The following SFXN4 variants were observed in gnomAD, a reference collection of about 807,000 sequenced individuals.
SFXN4 encodes the protein sideroflexin 4.
In SFXN4, 48 loss-of-function variants were observed where a neutral mutation model predicts 54.6. That is an observed-to-expected ratio of 0.88 (90% CI 0.70 to 1.12). The LOEUF (loss-of-function observed/expected upper bound fraction) is 1.12. Ranked by LOEUF, SFXN4 falls within the 50% of genes most tolerant of loss-of-function variation. The pLI is 0.00. For synonymous variants in SFXN4, 130 were observed against 145.5 expected (o/e 0.89, Z 0.77); for missense variants, 383 against 409.2 (o/e 0.94, Z 0.55).
At chr10:119,152,255 C>G (rs1221158915) in intron 11 of SFXN4, among the ~76,000 whole-genome samples, 1 of 149,028 alleles carries the variant, frequency 6.7e-6, no homozygotes, top group South Asian at 2.2e-4. Flanking sequence ...CAGGGGAAAG[C>G]GCAAATGCAG....
intron 2 of SFXN4, 64 bp from the exon 3 acceptor site, chr10:119,162,478 T>C: frequency 2.9e-6 from 4 of 1,389,240 alleles, no homozygotes; most frequent in East Asian, 4.6e-5. Flanking sequence ...TCCCCAGAGG[T>C]AGGAATCACC....
rs1279710330 is a variant in SFXN4 at position 119,155,152 on chromosome 10, G to A, written c.642C>T (p.Tyr214=). The part of the protein sequence containing the change: ...FLVQASGMNV[Y]MSRSLESIKG... ...TAATGGATTCAAGACTTCGGGACAT[G>A]TAGACATTCATTCCACTGGCTTGCA... is the stretch of plus-strand genomic sequence containing the variant. Residue 214 remains tyrosine (Y), a synonymous_variant, in exon 11 of 14, where the codon TAC becomes TAT. Transcript: ENST00000355697. The A allele has an allele frequency of 6.2e-7, 1 of 1,614,012 alleles. No homozygotes were observed. The highest frequency in any genetic ancestry group is 1.1e-5 in the South Asian group (1 of 91,084).
chr10:119,164,283 T>TTTC, intron 1 of SFXN4, 87 bp from the exon 2 acceptor site: 1 of 811,610 alleles, frequency 1.2e-6, no homozygotes. Flanking sequence ...TTTTTTTTTT[T>TTTC]CTGAGAACCT....
chr10:119,162,811 T>A lies in SFXN4; in HGVS notation c.178-397A>T, dbSNP rs538808665. On this transcript the variant is annotated intron_variant, in intron 2 of 13. Coordinates refer to ENST00000355697, the MANE Select transcript of SFXN4 (RefSeq NM_213649.2). ...CTTTCTTTCTTTTCTTATTGTTTTT[T>A]AAGAGACAGGGTCTCACTCTGTTGC... Among the ~76,000 whole-genome samples the A allele has an allele frequency of 1.8e-4, 27 of 152,316 alleles. No homozygotes were observed. In the East Asian group the frequency reaches 4.4e-3, roughly 25 times the overall value.
In SFXN4 at chr10:119,147,824, A is replaced by G. The variant is rs1478378172; in HGVS notation, c.769T>C (p.Phe257Leu). The change falls in exon 12 of 14, where the codon TTT becomes CTT. Residue 257 changes from phenylalanine (F) to leucine (L), a missense_variant. Coordinates refer to ENST00000355697, the MANE Select transcript of SFXN4 (RefSeq NM_213649.2). ...RETLASRIVL[F>L]GTSALIPEVF... ...TCAGGAATCAGAGCTGAGGTCCCAA[A>G]CAGCACTATTCTGGATGCTAGCGTT... The G allele has an allele frequency of 6.2e-7, 1 of 1,614,180 alleles. No individual in the cohort carries two copies. Among genetic ancestry groups the G allele is most frequent in the Non-Finnish European group, 8.5e-7 (1 of 1,180,006 alleles).
intron 13 of SFXN4, among the ~76,000 whole-genome samples, chr10:119,141,577 C>G (rs1252472452): frequency 7.0e-6 from 1 of 143,420 alleles, no homozygotes. Context: ...GTGGCACCAT[C>G]TCAGGTCACT....
chr10:119,150,188 C>T (rs1378332373), intron 11 of SFXN4, among the ~76,000 whole-genome samples: 2 of 151,956 alleles, frequency 1.3e-5, no homozygotes, highest in Non-Finnish European at 2.9e-5. Flanking sequence ...TTTTCTTTGA[C>T]CCTAACATGC....
chr10:119,157,972 C>T, intron 7 of SFXN4, 37 bp downstream of exon 7: 1 of 1,614,098 alleles, frequency 6.2e-7, no homozygotes, highest in Non-Finnish European at 8.5e-7. Context: ...TCAAGCATAA[C>T]AGAATTTAGT....
At chr10:119,161,211 T>G (rs1262110402) in intron 3 of SFXN4, 130 bp from the exon 4 acceptor site, 3 of 840,338 alleles carry the variant, frequency 3.6e-6, no homozygotes, top group African/African-American at 1.7e-5. Context: ...CTCGAACTAC[T>G]GGGTTCAAAC....
chr10:119,158,083 CAG>C (rs755501529), intron 6 of SFXN4, 21 bp from the exon 7 acceptor site: 44 of 1,611,862 alleles, frequency 2.7e-5, no homozygotes, highest in Admixed American at 1.5e-4. Flanking sequence ...GACAGTGGAA[CAG>C]AGTTACAAGT....
At chr10:119,141,663 C>T (rs11198801) in intron 13 of SFXN4, among the ~76,000 whole-genome samples, 2,683 of 151,932 alleles carry the variant, frequency 0.018, 41 homozygotes, top group South Asian at 0.029. Flanking sequence ...ATTACAGGCG[C>T]GCACCACCAT....
At chr10:119,154,947 GA>G in intron 11 of SFXN4, 114 bp downstream of exon 11, 1 of 696,328 alleles carries the variant, frequency 1.4e-6, no homozygotes, top group African/African-American at 1.8e-5. Flanking sequence ...GCATGCTAAG[GA>G]AAGACGGGTA....
intron 11 of SFXN4, among the ~76,000 whole-genome samples, chr10:119,149,106 C>T (rs1239212712): frequency 3.3e-5 from 5 of 152,108 alleles, no homozygotes; most frequent in Admixed American, 6.6e-5. Flanking sequence ...AAGCTGGTCC[C>T]GACTTCCTGG....
chr10:119,156,368 G>A (rs1847279516), intron 10 of SFXN4, among the ~76,000 whole-genome samples: 1 of 152,210 alleles, frequency 6.6e-6, no homozygotes, highest in African/African-American at 2.4e-5. Flanking sequence ...GCGGAGGGTT[G>A]CAGTGAGCCG....
intron 13 of SFXN4, among the ~76,000 whole-genome samples, chr10:119,142,296 T>A (rs1275120672): frequency 6.6e-6 from 1 of 152,148 alleles, no homozygotes; most frequent in Non-Finnish European, 1.5e-5. Context: ...GCAGATCTCA[T>A]TTCATCAAGC....
intron 13 of SFXN4, among the ~76,000 whole-genome samples, chr10:119,145,399 T>C (rs1382266130): frequency 6.7e-6 from 1 of 149,534 alleles, no homozygotes; most frequent in Admixed American, 6.7e-5. Flanking sequence ...TTGCAACCTC[T>C]ACCTCCCCAG....
chr10:119,142,565 A>T (rs7071928), intron 13 of SFXN4, among the ~76,000 whole-genome samples: 134,338 of 135,680 alleles, frequency 0.99, 66,508 homozygotes, highest in East Asian at 1. Flanking sequence ...TTTTTTTTTT[A>T]AATGAGATGG....
chr10:119,149,817 A>C (rs552456455), intron 11 of SFXN4, among the ~76,000 whole-genome samples: 27 of 152,342 alleles, frequency 1.8e-4, no homozygotes, highest in Non-Finnish European at 3.8e-4. Context: ...TCCGGAAGGG[A>C]AAAATGGCTG....
intron 11 of SFXN4, among the ~76,000 whole-genome samples, chr10:119,153,407 A>AAG (rs1847152355): frequency 6.6e-6 from 1 of 151,864 alleles, no homozygotes; most frequent in Non-Finnish European, 1.5e-5. Context: ...TGTCTCAAAA[A>AAG]AAAAAAAAAG....
Sources: allele counts gnomAD v4.1 joint callset (sites outside exome capture counted in the v4.1 genomes callset), GRCh38; gene constraint gnomAD v4.1.1; transcripts MANE v1.5; gene names NCBI Gene and HGNC (gene_info 2026-07-23, HGNC 2026-07-21).